Variants in CTNND2 observed in about 807,000 individuals in gnomAD.
CTNND2 encodes the protein catenin delta-2.
Under a neutral mutation model 144.4 loss-of-function variants are expected in CTNND2, and 22 were observed. The ratio of observed to expected loss-of-function variants is 0.15; its 90% confidence interval spans 0.11 to 0.22. The LOEUF (loss-of-function observed/expected upper bound fraction) is 0.22. CTNND2 is among the 10% of genes least tolerant of loss of function. CTNND2 has a pLI of 1.00. For synonymous variants in CTNND2, 751 were observed against 695.6 expected, an observed-to-expected ratio of 1.08 and a Z score of -1.25; for missense variants, 1,353 against 1,618.8, an observed-to-expected ratio of 0.84 and a Z score of 2.82.
intron 2 of CTNND2, among the ~76,000 whole-genome samples, chr5:11,672,336 A>G (rs1783915738): frequency 6.6e-6 from 1 of 152,190 alleles, no homozygotes; most frequent in South Asian, 2.1e-4. Flanking sequence ...TGCTCTCTTC[A>G]GAGCTGTCAG....
chr5:10,984,800 G>A (rs1011557554), intron 20 of CTNND2, among the ~76,000 whole-genome samples: 1 of 152,188 alleles, frequency 6.6e-6, no homozygotes, highest in Admixed American at 6.5e-5. Context: ...GAGGCCGGGT[G>A]TGGTGGCTCA....
chr5:11,222,306 T>A (rs1031260853), intron 10 of CTNND2, among the ~76,000 whole-genome samples: 6 of 152,226 alleles, frequency 3.9e-5, no homozygotes, highest in Non-Finnish European at 7.3e-5. Flanking sequence ...GAAAAATACC[T>A]GCTGCATCAT....
At chr5:11,870,846 A>AT (rs2127049071) in intron 1 of CTNND2, among the ~76,000 whole-genome samples, 1 of 152,360 alleles carries the variant, frequency 6.6e-6, no homozygotes, top group South Asian at 2.1e-4. Context: ...CTGATAAGAC[A>AT]TAACTCTGTA....
At chr5:11,060,182 G>C (rs1746801337) in intron 16 of CTNND2, among the ~76,000 whole-genome samples, 1 of 152,132 alleles carries the variant, frequency 6.6e-6, no homozygotes, top group Admixed American at 6.5e-5. Context: ...ACGGCTCAAG[G>C]GGTGGGAGCT....
chr5:11,298,004 C>T (rs1243664747), intron 9 of CTNND2, among the ~76,000 whole-genome samples: 2 of 152,148 alleles, frequency 1.3e-5, no homozygotes, highest in Non-Finnish European at 2.9e-5. Context: ...GTCCTATGTC[C>T]TGTTTCTCTG....
intron 10 of CTNND2, among the ~76,000 whole-genome samples, chr5:11,217,370 G>A (rs1210452521): frequency 6.6e-6 from 1 of 152,182 alleles, no homozygotes. Context: ...CAGGGAGGAA[G>A]GAGGTGGCTT....
chr5:11,105,813 C>T (rs1752367068), intron 14 of CTNND2, among the ~76,000 whole-genome samples: 1 of 152,092 alleles, frequency 6.6e-6, no homozygotes. Context: ...GCTTCCAGGA[C>T]ATGAAATATC....
chr5:11,178,116 C>T (rs1760652953), intron 11 of CTNND2, among the ~76,000 whole-genome samples: 1 of 152,098 alleles, frequency 6.6e-6, no homozygotes, highest in African/African-American at 2.4e-5. Flanking sequence ...TCTCTCAATG[C>T]CCATTTCTAT....
intron 9 of CTNND2, among the ~76,000 whole-genome samples, chr5:11,316,410 T>C (rs1421466006): frequency 6.6e-6 from 1 of 151,762 alleles, no homozygotes; most frequent in Non-Finnish European, 1.5e-5. Flanking sequence ...ACTTTAGATG[T>C]ATCATCTCTT....
In CTNND2 at chr5:11,144,082, TGC is replaced by T. The variant is rs1449200798; in HGVS notation, c.2159+15492_2159+15493del. Among the ~76,000 whole-genome samples the T allele has an allele frequency of 3.6e-3, 544 of 151,944 alleles. 8 individuals carry two copies. The highest frequency in any genetic ancestry group is 5.1e-3 in the Non-Finnish European group (348 of 67,924). ...CTACCATAGGGGCAGTCCCCAGGTCTGCACCAGCTAGGGGTTTCTACCATAGG... is the reference window on the plus strand; with the variant it reads ...CTACCATAGGGGCAGTCCCCAGGTCTACCAGCTAGGGGTTTCTACCATAGG... On this transcript the variant is annotated intron_variant, in intron 12 of 21. Transcript: ENST00000304623.
chr5:11,530,795 T>C (rs536243799), intron 3 of CTNND2, among the ~76,000 whole-genome samples: 1 of 152,296 alleles, frequency 6.6e-6, no homozygotes, highest in Non-Finnish European at 1.5e-5. Context: ...AACATGATGG[T>C]GTGGATTTTG....
At chr5:10,996,161 C>G (rs1396686835) in intron 18 of CTNND2, among the ~76,000 whole-genome samples, 1 of 152,048 alleles carries the variant, frequency 6.6e-6, no homozygotes, top group African/African-American at 2.4e-5. Flanking sequence ...AGTCAGCTGC[C>G]CTAGGGCAGG....
At chr5:11,898,615 T>G (rs1219476989) in intron 1 of CTNND2, among the ~76,000 whole-genome samples, 1 of 152,206 alleles carries the variant, frequency 6.6e-6, no homozygotes, top group Non-Finnish European at 1.5e-5. Context: ...TAGTAACATT[T>G]CTGTATCATT....
At chr5:11,198,631 A>G (rs1737109324) in intron 11 of CTNND2, among the ~76,000 whole-genome samples, 2 of 152,232 alleles carry the variant, frequency 1.3e-5, no homozygotes, top group Non-Finnish European at 2.9e-5. Context: ...TTTGCTAAAT[A>G]CTTGCTGATG....
chr5:11,002,520 G>A (rs2149514502), intron 18 of CTNND2, among the ~76,000 whole-genome samples: 1 of 152,322 alleles, frequency 6.6e-6, no homozygotes, highest in East Asian at 1.9e-4. Context: ...TAGAGAGAAG[G>A]TGGGAGGGGA....
Position 11,097,108 on chromosome 5 carries a change from T to C in CTNND2, c.2637+1467A>G, listed in dbSNP as rs138467317. ...CCTGATTTTCTCTGCAGATGACACA[T>C]CTGAGACACAGTGATATGCTGTAGT... is the stretch of plus-strand genomic sequence containing the variant. On this transcript the variant is annotated intron_variant, in intron 15 of 21. Coordinates refer to ENST00000304623, the MANE Select transcript of CTNND2 (RefSeq NM_001332.4). Among the ~76,000 whole-genome samples, 46 of 152,298 alleles carry C rather than the reference T, an allele frequency of 3.0e-4. No individual in the cohort carries two copies. In the East Asian group the frequency reaches 5.2e-3, roughly 17 times the overall value.
intron 12 of CTNND2, among the ~76,000 whole-genome samples, chr5:11,133,609 C>T (rs1011428512): frequency 6.6e-6 from 1 of 152,204 alleles, no homozygotes; most frequent in African/African-American, 2.4e-5. Flanking sequence ...GCCTTGGCCT[C>T]CCAAAGTGTT....
intron 1 of CTNND2, among the ~76,000 whole-genome samples, chr5:11,786,892 G>A (rs1790866518): frequency 6.6e-6 from 1 of 152,194 alleles, no homozygotes; most frequent in Non-Finnish European, 1.5e-5. Context: ...CCCGAATAGA[G>A]TTGGGGGACA....
chr5:11,647,043 G>A (rs934100819), intron 2 of CTNND2, among the ~76,000 whole-genome samples: 4 of 152,108 alleles, frequency 2.6e-5, no homozygotes, highest in Non-Finnish European at 5.9e-5. Context: ...AGCACTTTCA[G>A]TACATAACTA....
Sources: gnomAD v4.1 joint callset for allele counts (sites outside exome capture counted in the v4.1 genomes callset) on GRCh38, gnomAD v4.1.1 for gene constraint, MANE v1.5 for transcripts, NCBI Gene and HGNC (gene_info 2026-07-23, HGNC 2026-07-21) for gene names.